GRM7: variants seen among roughly 807,000 people sequenced by gnomAD.
GRM7 encodes metabotropic glutamate receptor 7.
In GRM7, 35 loss-of-function variants were observed where a neutral mutation model predicts 84.5. That is an observed-to-expected ratio of 0.41 (90% confidence interval 0.32 to 0.55). The LOEUF (loss-of-function observed/expected upper bound fraction) is 0.55, where lower values mean the gene tolerates loss of function less well. Ranked by LOEUF, GRM7 falls within the 20% of genes least tolerant of loss-of-function variation. The pLI is 0.19. For missense variants in GRM7, 1,003 were observed against 1,194.6 expected (o/e 0.84, Z 2.36); for synonymous variants, 487 against 455.1 (o/e 1.07, Z -0.89).
chr3:7,638,425 A>G (rs1199239355), intron 8 of GRM7, among the ~76,000 whole-genome samples: 1 of 152,224 alleles, frequency 6.6e-6, no homozygotes, highest in Non-Finnish European at 1.5e-5. Context: ...AGAGGAAGCT[A>G]AATCATTGAC....
chr3:6,912,383 G>A (rs1486880246), intron 1 of GRM7, among the ~76,000 whole-genome samples: 1 of 152,116 alleles, frequency 6.6e-6, no homozygotes, highest in Non-Finnish European at 1.5e-5. Flanking sequence ...ACGTTTTAAA[G>A]GAAACTTGTT....
intron 1 of GRM7, among the ~76,000 whole-genome samples, chr3:7,039,164 C>G (rs892303955): frequency 6.6e-6 from 1 of 152,104 alleles, no homozygotes; most frequent in Non-Finnish European, 1.5e-5. Context: ...TCTCAAACAA[C>G]CTAGCTGAGC....
At chr3:6,945,584 G>T (rs1247758023) in intron 1 of GRM7, among the ~76,000 whole-genome samples, 2 of 152,016 alleles carry the variant, frequency 1.3e-5, no homozygotes, top group Non-Finnish European at 2.9e-5. Context: ...ACCCAGTAAT[G>T]GGATGGCTGG....
At chr3:7,134,763 G>A (rs1693719086) in intron 1 of GRM7, among the ~76,000 whole-genome samples, 1 of 151,988 alleles carries the variant, frequency 6.6e-6, no homozygotes, top group African/African-American at 2.4e-5. Context: ...ATGCTAGATG[G>A]GCACAAACAG....
intron 1 of GRM7, among the ~76,000 whole-genome samples, chr3:6,994,868 T>C (rs1694778354): frequency 6.6e-6 from 1 of 152,238 alleles, no homozygotes; most frequent in Admixed American, 6.5e-5. Context: ...TTGGGTTTTG[T>C]ATTTCTATGC....
chr3:7,037,168 G>A (rs1019669555), intron 1 of GRM7, among the ~76,000 whole-genome samples: 6 of 152,262 alleles, frequency 3.9e-5, no homozygotes, highest in Middle Eastern at 3.4e-3. Context: ...TAGGATACCA[G>A]CTGACCCAAC....
chr3:7,418,700 G>T (rs1696273426), intron 5 of GRM7, among the ~76,000 whole-genome samples: 1 of 152,120 alleles, frequency 6.6e-6, no homozygotes, highest in African/African-American at 2.4e-5. Flanking sequence ...GATACTAAGG[G>T]TCAATGAAAG....
intron 2 of GRM7, among the ~76,000 whole-genome samples, chr3:7,217,770 A>T (rs1282333663): frequency 2.7e-5 from 4 of 150,792 alleles, no homozygotes; most frequent in Admixed American, 2.6e-4. Context: ...TTACACTGAA[A>T]GATAACCATT....
At chr3:7,073,490 GA>G (rs1320166773) in intron 1 of GRM7, among the ~76,000 whole-genome samples, 2 of 151,834 alleles carry the variant, frequency 1.3e-5, no homozygotes, top group African/African-American at 2.4e-5. Context: ...ATATTTGAAG[GA>G]AAAAAATATC....
At chr3:7,436,908 C>G (rs188476561) in intron 5 of GRM7, among the ~76,000 whole-genome samples, 140 of 143,268 alleles carry the variant, frequency 9.8e-4, no homozygotes, top group Non-Finnish European at 1.6e-3. Context: ...ATATTCTGGC[C>G]TCAGGTCTTT....
chr3:7,096,372 T>A (rs1000940463), intron 1 of GRM7, among the ~76,000 whole-genome samples: 3 of 152,152 alleles, frequency 2.0e-5, no homozygotes, highest in African/African-American at 7.2e-5. Context: ...TTTGAGGTTC[T>A]TATAATCCCA....
intron 9 of GRM7, among the ~76,000 whole-genome samples, chr3:7,719,249 G>A (rs1183020130): frequency 1.3e-5 from 2 of 152,270 alleles, no homozygotes; most frequent in South Asian, 2.1e-4. Flanking sequence ...AACTGGAAGT[G>A]TCTCCAAAAG....
chr3:7,731,970 C>G (rs894113683), intron 9 of GRM7, among the ~76,000 whole-genome samples: 2 of 152,144 alleles, frequency 1.3e-5, no homozygotes, highest in African/African-American at 4.8e-5. Context: ...TGAAAAACCC[C>G]TAACTTGTGA....
chr3:7,403,205 T>C, intron 4 of GRM7: 1 of 444,370 alleles, frequency 2.3e-6, no homozygotes, highest in Non-Finnish European at 4.6e-6. Context: ...GCTGAATTGA[T>C]TAATAATTGA....
chr3:7,105,487 A>C (rs73808681), intron 1 of GRM7, among the ~76,000 whole-genome samples: 4,168 of 151,996 alleles, frequency 0.027, 185 homozygotes, highest in African/African-American at 0.096. Context: ...TTTTTCCTGC[A>C]TACCTTAGTA....
At chr3:7,028,342 A>C (rs1429318357) in intron 1 of GRM7, among the ~76,000 whole-genome samples, 1 of 152,240 alleles carries the variant, frequency 6.6e-6, no homozygotes, top group Non-Finnish European at 1.5e-5. Context: ...AAAGTACAAA[A>C]CAGTTAGCTT....
chr3:7,022,373 A>G (rs1695811493), intron 1 of GRM7, among the ~76,000 whole-genome samples: 1 of 151,416 alleles, frequency 6.6e-6, no homozygotes, highest in African/African-American at 2.4e-5. Context: ...ACATGCACAC[A>G]CACACACACA....
chr3:7,220,108 T>C (rs1444671098), intron 2 of GRM7, among the ~76,000 whole-genome samples: 1 of 152,206 alleles, frequency 6.6e-6, no homozygotes, highest in East Asian at 1.9e-4. Flanking sequence ...GCAAATCTCT[T>C]ATACAGAAGA....
chr3:7,459,938 C>A (rs1192225614), intron 6 of GRM7, among the ~76,000 whole-genome samples: 1 of 150,904 alleles, frequency 6.6e-6, no homozygotes. Flanking sequence ...TGTCTAGAAC[C>A]CAAAAACAGG....
Sources: allele counts gnomAD v4.1 joint callset (sites outside exome capture counted in the v4.1 genomes callset), GRCh38; gene constraint gnomAD v4.1.1; transcripts MANE v1.5; gene names NCBI Gene and HGNC (gene_info 2026-07-23, HGNC 2026-07-21).